Variants in XPO1 observed in about 807,000 individuals in gnomAD.
XPO1 encodes the protein exportin-1.
XPO1 carries 5 observed loss-of-function variants against 133.3 expected under a neutral mutation model. That is an observed-to-expected ratio of 0.04 (90% CI 0.02 to 0.08). XPO1 has a LOEUF of 0.08. XPO1 is among the 10% of genes least tolerant of loss of function. The pLI is 1.00. For missense variants in XPO1, 506 were observed against 1,267.5 expected, an observed-to-expected ratio of 0.40 and a Z score of 9.12; for synonymous variants, 419 against 408.2, an observed-to-expected ratio of 1.03 and a Z score of -0.32.
At chr2:61,513,037 A>T (rs1178206173) in intron 4 of XPO1, among the ~76,000 whole-genome samples, 1 of 152,102 alleles carries the variant, frequency 6.6e-6, no homozygotes, top group Non-Finnish European at 1.5e-5. Context: ...CTCACCTCAT[A>T]TACAAAAATT....
intron 4 of XPO1, among the ~76,000 whole-genome samples, chr2:61,503,549 C>G (rs1197002420): frequency 1.3e-5 from 2 of 152,162 alleles, no homozygotes; most frequent in African/African-American, 4.8e-5. Context: ...CTCAGCCTCC[C>G]AAGTAGCTGG....
Position 61,522,596 on chromosome 2 carries a change from T to C in XPO1, c.301+15A>G, listed in dbSNP as rs1296922772. ...AAAAACAAAACTCTGAATTTATAAT[T>C]CTTTATTTTCCTACCTTCGCACTGG... On this transcript the variant is annotated intron_variant, in intron 4 of 24. Coordinates refer to ENST00000401558, the MANE Select transcript of XPO1 (RefSeq NM_003400.4). The C allele has an allele frequency of 6.2e-7, 1 of 1,608,022 alleles. No individual in the cohort carries two copies. Among genetic ancestry groups the C allele is most frequent in the Non-Finnish European group, 8.5e-7 (1 of 1,176,126 alleles).
Position 61,490,707 on chromosome 2 carries a change from A to C in XPO1, c.1957T>G (p.Leu653Val), listed in dbSNP as rs1696937879. Reference sequence around the variant, plus strand: ...GGGAGTAACATGTACTTTTCTATCAAGTGTTCTTGTACTGTTTGATCTGTT... The same window carrying C: ...GGGAGTAACATGTACTTTTCTATCACGTGTTCTTGTACTGTTTGATCTGTT... ...AQTDQTVQEH[L>V]IEKYMLLPNQ... The change falls in exon 17 of 25, where the codon TTG (leucine) becomes GTG (valine). Residue 653 changes from leucine (L) to valine (V), a missense_variant. Around this residue, in one of 6 missense-constraint regions of XPO1, gnomAD observed 60 missense variants for 211.0 expected, o/e 0.28. Transcript: ENST00000401558. 1 of 1,614,204 alleles carries C rather than the reference A, an allele frequency of 6.2e-7. No individual in the cohort carries two copies. Among genetic ancestry groups the C allele is most frequent in the Non-Finnish European group, 8.5e-7 (1 of 1,180,042 alleles).
At chr2:61,501,734 A>AAG (rs960849262) in intron 6 of XPO1, among the ~76,000 whole-genome samples, 6 of 129,658 alleles carry the variant, frequency 4.6e-5, no homozygotes, top group South Asian at 2.5e-4. Flanking sequence ...AAAAAAAAAA[A>AAG]AAAGAAAAGA....
chr2:61,501,377 G>A (rs1421889115), intron 6 of XPO1, among the ~76,000 whole-genome samples: 4 of 151,994 alleles, frequency 2.6e-5, no homozygotes, highest in Non-Finnish European at 5.9e-5. Flanking sequence ...GAAATCAAAG[G>A]ACTCAGAGAC....
At chr2:61,493,734 A>G (rs542344425) in intron 12 of XPO1, 160 bp downstream of exon 12, 351 of 755,566 alleles carry the variant, frequency 4.6e-4, no homozygotes, top group Non-Finnish European at 6.6e-4. Context: ...TCAAGGTTCT[A>G]GACTCAACTC....
At chr2:61,515,424 T>G (rs982979925) in intron 4 of XPO1, among the ~76,000 whole-genome samples, 6 of 152,116 alleles carry the variant, frequency 3.9e-5, no homozygotes, top group Admixed American at 1.3e-4. Flanking sequence ...CACAGAAAAG[T>G]AGGTGTTAGT....
intron 4 of XPO1, among the ~76,000 whole-genome samples, chr2:61,511,933 A>AT (rs929370835): frequency 1.3e-5 from 2 of 151,342 alleles, no homozygotes; most frequent in African/African-American, 4.9e-5. Flanking sequence ...TGCCCGGCTA[A>AT]TTTTTTTTGT....
chr2:61,499,644 T>C (rs915348831), intron 7 of XPO1, 69 bp downstream of exon 7: 6 of 1,410,720 alleles, frequency 4.3e-6, no homozygotes, highest in Admixed American at 5.6e-5. Context: ...ATATCTACAA[T>C]TTACATCCAA....
At chr2:61,484,340 AAT>A in intron 20 of XPO1, 1 of 449,538 alleles carries the variant, frequency 2.2e-6, no homozygotes, top group Non-Finnish European at 4.0e-6. Flanking sequence ...CAACCTTTTT[AAT>A]AGAGAACTCA....
At chr2:61,499,568 T>C in intron 7 of XPO1, 145 bp downstream of exon 7, 8 of 755,246 alleles carry the variant, frequency 1.1e-5, no homozygotes, top group Non-Finnish European at 1.6e-5. Flanking sequence ...TCTAGGACTA[T>C]TTCTTAATCT....
intron 4 of XPO1, among the ~76,000 whole-genome samples, chr2:61,510,259 C>T (rs536796778): frequency 1.3e-5 from 2 of 152,146 alleles, no homozygotes; most frequent in South Asian, 2.1e-4. Context: ...GCAGCCTGGG[C>T]GACAATGTGA....
rs955865283 is a variant in XPO1, at chr2:61,478,704, G to A, written c.*116C>T. ...ATACAAAAAAACACATAAGAAAAAG[G>A]GCCACTAGGTGACATTTTAATTTAC... On this transcript the variant is annotated 3_prime_UTR_variant, in exon 25 of 25. Coordinates refer to ENST00000401558, the MANE Select transcript of XPO1 (RefSeq NM_003400.4). 6 of 1,011,036 alleles carry A rather than the reference G, an allele frequency of 5.9e-6. No homozygotes were observed. Among genetic ancestry groups the A allele is most frequent in the Non-Finnish European group, 8.3e-6 (6 of 723,574 alleles). 62.6% of individuals were successfully genotyped at this position (1,011,036 alleles called of 1,614,324 possible).
intron 16 of XPO1, among the ~76,000 whole-genome samples, chr2:61,491,477 C>CACAT (rs1467992166): frequency 6.6e-6 from 1 of 150,702 alleles, no homozygotes; most frequent in African/African-American, 2.4e-5. Flanking sequence ...CACACACACA[C>CACAT]ACACACACAC....
chr2:61,501,177 A>G (rs1477438929), intron 6 of XPO1, among the ~76,000 whole-genome samples: 1 of 152,186 alleles, frequency 6.6e-6, no homozygotes, highest in Non-Finnish European at 1.5e-5. Flanking sequence ...ATACACTAAA[A>G]TTTTTGGAAG....
chr2:61,517,500 T>A (rs1387376855), intron 4 of XPO1, among the ~76,000 whole-genome samples: 1 of 152,200 alleles, frequency 6.6e-6, no homozygotes, highest in East Asian at 1.9e-4. Context: ...GCGTGGTAAC[T>A]GCCTGAGCTC....
intron 6 of XPO1, among the ~76,000 whole-genome samples, chr2:61,500,189 AT>A (rs1337036187): frequency 6.6e-6 from 1 of 152,096 alleles, no homozygotes; most frequent in Non-Finnish European, 1.5e-5. Context: ...ATATGTAGAA[AT>A]TATTCTAGGA....
chr2:61,532,785 A>C (rs530729386), intron 2 of XPO1, among the ~76,000 whole-genome samples: 37 of 151,804 alleles, frequency 2.4e-4, no homozygotes, highest in Middle Eastern at 3.4e-3. Context: ...CAGTGAGCCG[A>C]GACTGTGCCA....
In XPO1 at chr2:61,484,014, G is replaced by A; in HGVS notation, c.2600C>T (p.Pro867Leu). The change falls in exon 21 of 25, where the codon CCA becomes CTA. Residue 867 changes from proline to leucine, a missense_variant. Transcript: ENST00000401558. ...CAAAACAAGTTTAAACTGTGTAGGT[G>A]GAATAGCAAGGAATGCTGGGAAACA... Reference protein sequence around the residue: ...SHCFPAFLAIPPTQFKLVLDS... With the variant: ...SHCFPAFLAILPTQFKLVLDS... 1 of 1,613,756 alleles carries A rather than the reference G, an allele frequency of 6.2e-7. No homozygotes were observed. The highest frequency in any genetic ancestry group is 8.5e-7 in the Non-Finnish European group (1 of 1,179,746).
Sources: gnomAD v4.1 joint callset for allele counts (sites outside exome capture counted in the v4.1 genomes callset) on GRCh38, gnomAD v4.1.1 for gene constraint, gnomAD v4.1.1 regional missense constraint, MANE v1.5 for transcripts, NCBI Gene and HGNC (gene_info 2026-07-23, HGNC 2026-07-21) for gene names.